EGFLAM: variants seen among roughly 807,000 people sequenced by gnomAD.
The protein encoded by EGFLAM is pikachurin.
A neutral mutation model predicts 113.1 loss-of-function variants in EGFLAM; 79 were observed. The observed-to-expected ratio is 0.70, with a 90% CI of 0.58 to 0.84. EGFLAM has a LOEUF of 0.84. Ranked by LOEUF, EGFLAM falls within the 40% of genes least tolerant of loss-of-function variation. The pLI is 0.00. For synonymous variants in EGFLAM, 504 were observed against 487.6 expected (o/e 1.03, Z -0.44); for missense variants, 1,265 against 1,291.6 (o/e 0.98, Z 0.32).
intron 1 of EGFLAM, among the ~76,000 whole-genome samples, chr5:38,313,466 A>G (rs899348241): frequency 6.6e-6 from 1 of 152,220 alleles, no homozygotes; most frequent in African/African-American, 2.4e-5. Flanking sequence ...TGAGATGAAC[A>G]TGCTCGTGCA....
rs186242396 is a variant in EGFLAM at position 38,331,946 on chromosome 5, C to T, written c.98-5574C>T. Among the ~76,000 whole-genome samples, 143 of 152,248 alleles carry T rather than the reference C, an allele frequency of 9.4e-4. 1 individual carries two copies. Among genetic ancestry groups the T allele is most frequent in the Admixed American group, 7.8e-4 (12 of 15,300 alleles). ...TTTGACTCCTTTGGGTAAATACTAA[C>T]GAGTGCACATGCCAGTGGTATGATG... On this transcript the variant is annotated intron_variant, in intron 1 of 21. Transcript: ENST00000322350.
intron 6 of EGFLAM, among the ~76,000 whole-genome samples, chr5:38,396,160 A>G (rs1470807107): frequency 1.3e-5 from 2 of 152,094 alleles, no homozygotes; most frequent in African/African-American, 4.8e-5. Context: ...TCTGAACATA[A>G]TGTTGTCCCA....
intron 6 of EGFLAM, among the ~76,000 whole-genome samples, chr5:38,405,780 G>A (rs1003893128): frequency 6.6e-6 from 1 of 152,128 alleles, no homozygotes; most frequent in Non-Finnish European, 1.5e-5. Context: ...ATATTTCCAA[G>A]TATTTCACAA....
At chr5:38,345,957 G>C (rs563793164) in intron 3 of EGFLAM, 1 of 152,192 alleles carries the variant, frequency 6.6e-6, no homozygotes, top group African/African-American at 2.4e-5. Flanking sequence ...AGGGGAGGAA[G>C]TGAAGGTGAA....
At chr5:38,309,220 C>A (rs371054344) in intron 1 of EGFLAM, among the ~76,000 whole-genome samples, 139 of 152,292 alleles carry the variant, frequency 9.1e-4, no homozygotes, top group African/African-American at 3.2e-3. Context: ...TGTGCTACTG[C>A]ACATCTCTTC....
In EGFLAM at chr5:38,439,452, T is replaced by C. The variant is rs1027944124; in HGVS notation, c.2464+997T>C. Reference sequence around the variant, plus strand: ...AGCCTCTGAAGGAATGTGCACTGTCTTTCTTATTTCCAGGTTGTTGATTTT... The same window carrying C: ...AGCCTCTGAAGGAATGTGCACTGTCCTTCTTATTTCCAGGTTGTTGATTTT... On this transcript the variant is annotated intron_variant, in intron 17 of 21. Transcript: ENST00000322350. Among the ~76,000 whole-genome samples, 4 of 152,220 alleles carry C rather than the reference T, an allele frequency of 2.6e-5. No homozygotes were observed. In the South Asian group the frequency reaches 8.3e-4, roughly 32 times the overall value.
At chr5:38,361,310 G>A (rs2112012808) in intron 5 of EGFLAM, among the ~76,000 whole-genome samples, 1 of 152,246 alleles carries the variant, frequency 6.6e-6, no homozygotes, top group South Asian at 2.1e-4. Flanking sequence ...TCTACTCCCA[G>A]ATTAGGTTAG....
At chr5:38,335,578 A>G (rs931959476) in intron 1 of EGFLAM, among the ~76,000 whole-genome samples, 3 of 152,134 alleles carry the variant, frequency 2.0e-5, no homozygotes, top group Non-Finnish European at 4.4e-5. Context: ...AGGAAGCCAC[A>G]TGGCCTAAGT....
chr5:38,305,853 C>T (rs1017991151), intron 1 of EGFLAM, among the ~76,000 whole-genome samples: 1 of 152,194 alleles, frequency 6.6e-6, no homozygotes. Flanking sequence ...TTCACCAAGG[C>T]AGTAGGACAG....
At position 38,394,599 on chromosome 5, in the gene EGFLAM, C is replaced by T. The variant is rs575893384; in HGVS notation, c.713-11527C>T. 4.0e-3 allele frequency among the ~76,000 whole-genome samples: 598 copies of T among 149,964 alleles called. 4 individuals are homozygous for T. Among genetic ancestry groups the T allele is most frequent in the African/African-American group, 0.014 (584 of 40,848 alleles). Reference sequence around the variant, plus strand: ...TAATTTTTTGTATTTTTAGTAGAGACGGGGTTTCACCGTGTTAGCCAGGAT... The same window carrying T: ...TAATTTTTTGTATTTTTAGTAGAGATGGGGTTTCACCGTGTTAGCCAGGAT... On this transcript the variant is annotated intron_variant, in intron 6 of 21. Transcript: ENST00000322350.
At chr5:38,367,639 A>C (rs1740097480) in intron 5 of EGFLAM, among the ~76,000 whole-genome samples, 1 of 152,172 alleles carries the variant, frequency 6.6e-6, no homozygotes, top group Admixed American at 6.5e-5. Flanking sequence ...ATACATTGCC[A>C]AGATAGCGTT....
chr5:38,344,483 CA>C (rs10577346), intron 3 of EGFLAM, among the ~76,000 whole-genome samples: 29,927 of 138,768 alleles, frequency 0.22, 2,856 homozygotes, highest in Middle Eastern at 0.26. Flanking sequence ...AACTCTGTTT[CA>C]AAAAAAAAAA....
Position 38,325,903 on chromosome 5 carries a change from C to A in EGFLAM, c.98-11617C>A, listed in dbSNP as rs1004598011. On this transcript the variant is annotated intron_variant, in intron 1 of 21. Coordinates refer to ENST00000322350, the MANE Select transcript of EGFLAM (RefSeq NM_152403.4). Reference sequence around the variant, plus strand: ...CCTTTATTTTCTTTTAAAAAAATACCTGAAAATTAAAATTATAATAATTAT... The same window carrying A: ...CCTTTATTTTCTTTTAAAAAAATACATGAAAATTAAAATTATAATAATTAT... 4.0e-5 allele frequency among the ~76,000 whole-genome samples: 6 copies of A among 151,574 alleles called. No homozygotes were observed. In the East Asian group the frequency reaches 1.2e-3, roughly 29 times the overall value.
Position 38,352,332 on chromosome 5 carries a change from G to T in EGFLAM, c.545+1G>T. ...AGTACTATTCTGTGGAATTCATCAG[G>T]TAAGTCTGTATGTCACATTCAAAAG... On this transcript the variant is annotated splice_donor_variant, in intron 5 of 21. Transcript: ENST00000322350. LOFTEE classifies it high-confidence loss of function. 2 of 1,613,882 alleles carry T rather than the reference G, an allele frequency of 1.2e-6. No individual in the cohort carries two copies. The highest frequency in any genetic ancestry group is 1.7e-6 in the Non-Finnish European group (2 of 1,179,876).
chr5:38,456,653 T>C (rs1384063391), intron 19 of EGFLAM, among the ~76,000 whole-genome samples: 1 of 152,188 alleles, frequency 6.6e-6, no homozygotes, highest in African/African-American at 2.4e-5. Flanking sequence ...CCTCCATTAT[T>C]AAAGGAATGA....
At position 38,451,646 on chromosome 5, in the gene EGFLAM, C is replaced by A. The variant is rs1408070705; in HGVS notation, c.2687+188C>A. 4 of 836,644 alleles carry A rather than the reference C, an allele frequency of 4.8e-6. No individual in the cohort carries two copies. In the African/African-American group the frequency reaches 6.9e-5, roughly 14 times the overall value. 51.8% of individuals were successfully genotyped at this position (836,644 alleles called of 1,614,324 possible). A position where few individuals can be genotyped will look rare whatever the true frequency, so the allele number is the denominator to read the frequency against. Reference sequence around the variant, plus strand: ...ATTCATCTTATAGAGCAGCAGTCAGCAAACTATGGCCTGCAGGCCAAATCT... The same window carrying A: ...ATTCATCTTATAGAGCAGCAGTCAGAAAACTATGGCCTGCAGGCCAAATCT... On this transcript the variant is annotated intron_variant, in intron 19 of 21. Transcript: ENST00000322350.
At chr5:38,304,192 T>C (rs564756719) in intron 1 of EGFLAM, among the ~76,000 whole-genome samples, 6 of 151,566 alleles carry the variant, frequency 4.0e-5, no homozygotes, top group African/African-American at 1.5e-4. Context: ...ACTGAGAACC[T>C]TCAGATTTAC....
At chr5:38,394,796 TCTTA>T (rs1740914679) in intron 6 of EGFLAM, among the ~76,000 whole-genome samples, 1 of 150,734 alleles carries the variant, frequency 6.6e-6, no homozygotes, top group East Asian at 2.0e-4. Context: ...ACTCTTCGCA[TCTTA>T]CTCTTTCCTT....
At position 38,418,274 on chromosome 5, in the gene EGFLAM, G is replaced by C. The variant is rs752006108; in HGVS notation, c.1684+19G>C. The C allele has an allele frequency of 3.1e-6, 5 of 1,613,162 alleles. No individual in the cohort carries two copies. The South Asian group carries it at 4.4e-5, about 14-fold the overall frequency. ...GATGTGGGTAAGTGGCTGCCTGGTG[G>C]GTTGGGGTACTCTTATGGGACTTAT... On this transcript the variant is annotated intron_variant, in intron 12 of 21. Transcript: ENST00000322350.
Sources: gnomAD v4.1 joint callset for allele counts (sites outside exome capture counted in the v4.1 genomes callset) on GRCh38, gnomAD v4.1.1 for gene constraint, MANE v1.5 for transcripts, NCBI Gene and HGNC (gene_info 2026-07-23, HGNC 2026-07-21) for gene names.